LRIF1: variants seen among roughly 807,000 people sequenced by gnomAD.
LRIF1 encodes ligand-dependent nuclear receptor-interacting factor 1.
A neutral mutation model predicts 52.7 loss-of-function variants in LRIF1; 32 were observed. That is an observed-to-expected ratio of 0.61 (90% CI 0.46 to 0.82). The LOEUF is 0.82. Among genes scored for constraint, LRIF1 ranks in the 40% least tolerant of loss-of-function variants. LRIF1 has a pLI of 0.00. For missense variants in LRIF1, 887 were observed against 892.0 expected, an observed-to-expected ratio of 0.99 and a Z score of 0.07; for synonymous variants, 323 against 317.4, an observed-to-expected ratio of 1.02 and a Z score of -0.19.
chr1:110,892,419 C>T, the LRIF1 span: 10 of 1,613,762 alleles, frequency 6.2e-6, no homozygotes, highest in South Asian at 1.1e-4. Context: ...TCTTCCATAA[C>T]CTCCCCTCCC....
chr1:110,951,136 G>GT, intron 2 of LRIF1, 152 bp downstream of exon 2: 1 of 619,256 alleles, frequency 1.6e-6, no homozygotes, highest in Non-Finnish European at 2.7e-6. Flanking sequence ...TGCTCAGATG[G>GT]AAGTTTTGAC....
the LRIF1 span, among the ~76,000 whole-genome samples, chr1:110,905,056 T>C: frequency 6.6e-6 from 1 of 152,096 alleles, no homozygotes; most frequent in Non-Finnish European, 1.5e-5. Flanking sequence ...TTAGTGAGCT[T>C]GAAGACAGGC....
chr1:110,955,069 C>T (rs1658640527), intron 1 of LRIF1, among the ~76,000 whole-genome samples: 1 of 152,198 alleles, frequency 6.6e-6, no homozygotes, highest in African/African-American at 2.4e-5. Flanking sequence ...TCCCTTTTAA[C>T]ATTTTCATTC....
chr1:110,923,077 G>C, the LRIF1 span, among the ~76,000 whole-genome samples: 1 of 152,138 alleles, frequency 6.6e-6, no homozygotes, highest in Non-Finnish European at 1.5e-5. Flanking sequence ...GGCTGAGGCG[G>C]GCGGATTGTC....
the LRIF1 span, among the ~76,000 whole-genome samples, chr1:110,895,612 G>T: frequency 6.6e-6 from 1 of 152,210 alleles, no homozygotes. Flanking sequence ...GCTTAGTGTG[G>T]AGTAGAAGAA....
chr1:110,902,806 C>A, the LRIF1 span, among the ~76,000 whole-genome samples: 1 of 152,216 alleles, frequency 6.6e-6, no homozygotes, highest in Non-Finnish European at 1.5e-5. Flanking sequence ...CAAAAAACCA[C>A]CTTCGTATGA....
the LRIF1 span, among the ~76,000 whole-genome samples, chr1:110,887,311 G>C: frequency 6.6e-6 from 1 of 152,080 alleles, no homozygotes; most frequent in Non-Finnish European, 1.5e-5. Context: ...TGATCCGCCC[G>C]CCTCGGCCTC....
chr1:110,896,799 T>C, the LRIF1 span: 1 of 1,402,708 alleles, frequency 7.1e-7, no homozygotes, highest in Non-Finnish European at 1.0e-6. Flanking sequence ...CCTCGGAAAC[T>C]GCAGTCATAG....
chr1:110,929,382 C>T, the LRIF1 span, among the ~76,000 whole-genome samples: 1 of 152,190 alleles, frequency 6.6e-6, no homozygotes, highest in East Asian at 1.9e-4. Context: ...CTTTCACCAA[C>T]AGTGTATAAG....
chr1:110,957,053 C>G (rs1216322850), intron 1 of LRIF1, among the ~76,000 whole-genome samples: 1 of 152,052 alleles, frequency 6.6e-6, no homozygotes, highest in Non-Finnish European at 1.5e-5. Context: ...CTCTGTTTCT[C>G]TTGACTTTCC....
intron 2 of LRIF1, 103 bp downstream of exon 2, chr1:110,951,185 T>C (rs1364079359): frequency 3.3e-6 from 3 of 917,320 alleles, no homozygotes; most frequent in African/African-American, 1.7e-5. Flanking sequence ...TGTGATGGGG[T>C]TGGCAGTGGG....
intron 3 of LRIF1, among the ~76,000 whole-genome samples, chr1:110,949,360 C>T (rs188245812): frequency 8.5e-4 from 129 of 150,968 alleles, no homozygotes; most frequent in Middle Eastern, 3.5e-3. Context: ...CCTCGTGATC[C>T]GCCCGCCTCA....
At chr1:110,909,537 A>G in the LRIF1 span, among the ~76,000 whole-genome samples, 1 of 151,108 alleles carries the variant, frequency 6.6e-6, no homozygotes, top group Non-Finnish European at 1.5e-5. Flanking sequence ...AGAAAGATCT[A>G]TCAAGCAAAC....
chr1:110,927,468 A>G, the LRIF1 span, among the ~76,000 whole-genome samples: 1 of 152,176 alleles, frequency 6.6e-6, no homozygotes, highest in African/African-American at 2.4e-5. Context: ...ATTGAAACCT[A>G]TGTTGGTTTT....
In LRIF1 at chr1:110,952,447, G is replaced by C. The variant is rs1251863536; in HGVS notation, c.437C>G (p.Thr146Ser). 8 of 1,611,528 alleles carry C rather than the reference G, an allele frequency of 5.0e-6. No homozygotes were observed. The South Asian group carries it at 6.6e-5, about 13-fold the overall frequency. Reference sequence around the variant, plus strand: ...GGGAGGAACAGCAAATGTTTGCATGGTGAGTCCATCAATTTTCACACCATG... The same window carrying C: ...GGGAGGAACAGCAAATGTTTGCATGCTGAGTCCATCAATTTTCACACCATG... ...QSHGVKIDGL[T>S]MQTFAVPPST... is the part of the protein sequence containing the mutation. Residue 146 changes from threonine to serine, a missense_variant, in exon 2 of 4, where the codon ACC (threonine) becomes AGC (serine). Thr to Ser is a moderately conservative substitution (Grantham distance 58). Coordinates refer to ENST00000369763, the MANE Select transcript of LRIF1 (RefSeq NM_018372.4).
At chr1:110,946,900 G>T (rs181267669), downstream of LRIF1, among the ~76,000 whole-genome samples, 1 of 151,840 alleles carries the variant, frequency 6.6e-6, no homozygotes, top group Non-Finnish European at 1.5e-5. Flanking sequence ...CAGGTGATCC[G>T]CCCGCCTCGG....
At chr1:110,950,854 C>T (rs1166864623) in intron 2 of LRIF1, among the ~76,000 whole-genome samples, 1 of 152,058 alleles carries the variant, frequency 6.6e-6, no homozygotes, top group Non-Finnish European at 1.5e-5. Context: ...AAAAACCCCA[C>T]AAAACCCCAA....
chr1:110,957,470 CAAAAAAAA>C (rs34396800), intron 1 of LRIF1, among the ~76,000 whole-genome samples: 4 of 42,802 alleles, frequency 9.3e-5, no homozygotes, highest in Admixed American at 3.4e-4. Flanking sequence ...GACTCAGTCT[CAAAAAAAA>C]AAAAAAAAAA....
At chr1:110,949,617 A>G (rs148941023) in intron 3 of LRIF1, among the ~76,000 whole-genome samples, 10,089 of 150,954 alleles carry the variant, frequency 0.067, 392 homozygotes, top group East Asian at 0.14. Context: ...ACGGGGTTTC[A>G]TCATGTTGGT....
Sources: allele counts gnomAD v4.1 joint callset (sites outside exome capture counted in the v4.1 genomes callset), GRCh38; gene constraint gnomAD v4.1.1; transcripts MANE v1.5; gene names NCBI Gene and HGNC (gene_info 2026-07-23, HGNC 2026-07-21).